The following HEMK2 variants were observed in gnomAD, a reference collection of about 807,000 sequenced individuals.
HEMK2 encodes HemK methyltransferase 2, ETF1 glutamine and histone H4 lysine, also known as methyltransferase HEMK2.
the HEMK2 span, among the ~76,000 whole-genome samples, chr21:28,753,225 C>T: frequency 6.6e-6 from 1 of 151,998 alleles, no homozygotes; most frequent in Non-Finnish European, 1.5e-5. Flanking sequence ...GGCATGGTGG[C>T]ACGTACCTGT....
the HEMK2 span, among the ~76,000 whole-genome samples, chr21:28,669,635 A>G: frequency 6.6e-6 from 1 of 152,156 alleles, no homozygotes. Context: ...ACAGGACCCC[A>G]GAGTTACACA....
the HEMK2 span, among the ~76,000 whole-genome samples, chr21:28,789,337 G>A: frequency 5.9e-5 from 9 of 152,228 alleles, no homozygotes; most frequent in South Asian, 2.1e-4. Flanking sequence ...AATAAACGGC[G>A]TATAGCTCTC....
chr21:28,582,369 G>A, the HEMK2 span, among the ~76,000 whole-genome samples: 5 of 152,116 alleles, frequency 3.3e-5, no homozygotes, highest in Admixed American at 3.3e-4. Flanking sequence ...TCCAAGGCCA[G>A]TTCTTTGATT....
At chr21:28,855,198 C>G in the HEMK2 span, among the ~76,000 whole-genome samples, 1 of 151,812 alleles carries the variant, frequency 6.6e-6, no homozygotes, top group Admixed American at 6.6e-5. Flanking sequence ...AAAAAAAAAG[C>G]AGGGGTTGCT....
chr21:28,612,767 G>A, the HEMK2 span, among the ~76,000 whole-genome samples: 17 of 152,252 alleles, frequency 1.1e-4, no homozygotes, highest in African/African-American at 4.1e-4. Flanking sequence ...CAAATTAGTA[G>A]CTCTTCTATA....
chr21:28,713,568 G>A, the HEMK2 span, among the ~76,000 whole-genome samples: 2 of 152,058 alleles, frequency 1.3e-5, no homozygotes, highest in Admixed American at 6.6e-5. Flanking sequence ...CTTTCCCCAG[G>A]CCCCTCCTTC....
At chr21:28,673,500 T>C in the HEMK2 span, among the ~76,000 whole-genome samples, 1 of 136,072 alleles carries the variant, frequency 7.3e-6, no homozygotes, top group African/African-American at 2.9e-5. Context: ...CCCACATATA[T>C]GGTCATATGA....
chr21:28,643,643 A>C, the HEMK2 span, among the ~76,000 whole-genome samples: 1 of 152,038 alleles, frequency 6.6e-6, no homozygotes, highest in Non-Finnish European at 1.5e-5. Flanking sequence ...GCAGCACTGC[A>C]CTCCAGCCTA....
chr21:28,849,140 G>A, the HEMK2 span, among the ~76,000 whole-genome samples: 12 of 152,210 alleles, frequency 7.9e-5, no homozygotes, highest in South Asian at 2.1e-4. Flanking sequence ...CAGCCCCTCC[G>A]GTACAGAAGG....
chr21:28,684,347 C>T, the HEMK2 span, among the ~76,000 whole-genome samples: 3 of 152,314 alleles, frequency 2.0e-5, no homozygotes, highest in East Asian at 5.8e-4. Flanking sequence ...TTCACTGGAC[C>T]AATTCATCCA....
the HEMK2 span, among the ~76,000 whole-genome samples, chr21:28,758,329 G>A: frequency 5.3e-5 from 8 of 152,196 alleles, no homozygotes; most frequent in South Asian, 1.5e-3. Flanking sequence ...CATGTTGGGC[G>A]GGACAAAAAG....
chr21:28,678,972 A>T, the HEMK2 span, among the ~76,000 whole-genome samples: 2 of 152,248 alleles, frequency 1.3e-5, no homozygotes, highest in Non-Finnish European at 2.9e-5. Flanking sequence ...AAGGCTAGGA[A>T]GAAAACGCAT....
chr21:28,796,158 C>T, the HEMK2 span, among the ~76,000 whole-genome samples: 2 of 152,136 alleles, frequency 1.3e-5, no homozygotes, highest in East Asian at 1.9e-4. Context: ...GTTTTCAGAC[C>T]GAGTCTCACT....
chr21:28,731,920 T>C, the HEMK2 span, among the ~76,000 whole-genome samples: 340 of 152,310 alleles, frequency 2.2e-3, 2 homozygotes, highest in African/African-American at 7.7e-3. Context: ...ACCTTGCCAG[T>C]AGCTGGTAGC....
the HEMK2 span, among the ~76,000 whole-genome samples, chr21:28,783,413 G>A: frequency 6.6e-6 from 1 of 152,168 alleles, no homozygotes; most frequent in Non-Finnish European, 1.5e-5. Flanking sequence ...TCGAACTCCT[G>A]ACCTCAGGTG....
the HEMK2 span, among the ~76,000 whole-genome samples, chr21:28,661,206 T>C: frequency 3.3e-5 from 5 of 152,116 alleles, no homozygotes; most frequent in African/African-American, 9.6e-5. Flanking sequence ...AATTAATTTA[T>C]GGTATCTTTC....
chr21:28,765,054 T>C, the HEMK2 span, among the ~76,000 whole-genome samples: 2 of 152,112 alleles, frequency 1.3e-5, no homozygotes, highest in Admixed American at 6.6e-5. Flanking sequence ...TATATGTAAT[T>C]ACATTACATA....
At chr21:28,627,332 A>G in the HEMK2 span, among the ~76,000 whole-genome samples, 1 of 152,210 alleles carries the variant, frequency 6.6e-6, no homozygotes, top group Non-Finnish European at 1.5e-5. Flanking sequence ...TGAACACTGA[A>G]AATGGGTGCA....
the HEMK2 span, among the ~76,000 whole-genome samples, chr21:28,592,928 T>G: frequency 4.6e-5 from 7 of 152,346 alleles, no homozygotes; most frequent in African/African-American, 1.4e-4. Context: ...TCAGGAATTA[T>G]GGTGATGCCA....
Sources: allele counts gnomAD v4.1 joint callset (sites outside exome capture counted in the v4.1 genomes callset), GRCh38; gene constraint gnomAD v4.1.1; transcripts MANE v1.5; gene names NCBI Gene and HGNC (gene_info 2026-07-23, HGNC 2026-07-21).